The following KDM5B variants were observed in gnomAD, a reference collection of about 807,000 sequenced individuals.
KDM5B encodes lysine demethylase 5B.
A neutral mutation model predicts 193.4 loss-of-function variants in KDM5B; 144 were observed. That is an observed-to-expected ratio of 0.74 (90% CI 0.65 to 0.86). KDM5B has a LOEUF of 0.86. Ranked by LOEUF, KDM5B falls within the 40% of genes least tolerant of loss-of-function variation. KDM5B has a pLI of 0.00. For synonymous variants in KDM5B, 668 were observed against 682.6 expected, an observed-to-expected ratio of 0.98 and a Z score of 0.33; for missense variants, 1,833 against 1,886.9, an observed-to-expected ratio of 0.97 and a Z score of 0.53.
intron 5 of KDM5B, among the ~76,000 whole-genome samples, chr1:202,765,765 A>G (rs1365123568): frequency 6.6e-6 from 1 of 152,082 alleles, no homozygotes; most frequent in East Asian, 1.9e-4. Context: ...GATTTTTTTC[A>G]TTTTTGATAA....
chr1:202,747,564 A>ATT (rs67708616), intron 14 of KDM5B, among the ~76,000 whole-genome samples: 1 of 129,696 alleles, frequency 7.7e-6, no homozygotes, highest in African/African-American at 2.8e-5. Flanking sequence ...AAAGGCACAT[A>ATT]TTTTTAAAAA....
rs771281999 is a variant in KDM5B, at chr1:202,753,664, GT to G, written c.1539-598del. Among the ~76,000 whole-genome samples the G allele has an allele frequency of 9.4e-3, 992 of 105,826 alleles. 22 individuals are homozygous for G. Among genetic ancestry groups the G allele is most frequent in the African/African-American group, 0.028 (955 of 34,260 alleles). 69.4% of individuals were successfully genotyped at this position (105,826 alleles called of 152,430 possible). On this transcript the variant is annotated intron_variant, in intron 11 of 26. Transcript: ENST00000367265. ...CTAGAATTTCTCTTTTGTTGTTGTT[GT>G]TTTTTTTTTGTTTTTTTTTTTTGAG...
At chr1:202,757,049 G>A (rs1558495718) in intron 9 of KDM5B, among the ~76,000 whole-genome samples, 2 of 151,764 alleles carry the variant, frequency 1.3e-5, no homozygotes, top group East Asian at 1.9e-4. Context: ...TTCATGGAAG[G>A]CAATTTTTCC....
Position 202,728,517 on chromosome 1 carries a change from A to G in KDM5B, c.*519T>C. The G allele has an allele frequency of 6.5e-6, 1 of 153,390 alleles. No individual in the cohort carries two copies. The allele number at this position is 153,390 out of a possible 1,614,324, so 9.5% of individuals were successfully genotyped here. A position where few individuals can be genotyped will look rare whatever the true frequency, so the allele number is the denominator to read the frequency against. ...ATAAACCTAGTCTACCAGGAAGAAGAAAAGTGGATAAAGGAAAAGAAGAAA... is the reference window on the plus strand; with the variant it reads ...ATAAACCTAGTCTACCAGGAAGAAGGAAAGTGGATAAAGGAAAAGAAGAAA... On this transcript the variant is annotated 3_prime_UTR_variant, in exon 27 of 27. Coordinates refer to ENST00000367265, the MANE Select transcript of KDM5B (RefSeq NM_006618.5).
In KDM5B at chr1:202,808,021, C is replaced by T. The variant is rs963957553; in HGVS notation, c.204+81G>A. The T allele has an allele frequency of 5.1e-5, 70 of 1,384,922 alleles. 1 individual carries two copies. The Admixed American group carries it at 1.1e-3, about 22-fold the overall frequency. The allele number at this position is 1,384,922 out of a possible 1,614,324, so 85.8% of individuals were successfully genotyped here. A position where few individuals can be genotyped will look rare whatever the true frequency, so the allele number is the denominator to read the frequency against. On this transcript the variant is annotated intron_variant, in intron 1 of 26. Coordinates refer to ENST00000367265, the MANE Select transcript of KDM5B (RefSeq NM_006618.5). ...GGGGCGACCGGCTCCCCGCCCCCCG[C>T]GCCTCGGGCCTCCCCGGACCCGCGC... is the stretch of plus-strand genomic sequence containing the variant.
At position 202,749,134 on chromosome 1, in the gene KDM5B, T is replaced by C; in HGVS notation, c.1827A>G (p.Pro609=). ...AVNFCTVDWL[P]LGRQCVEHYR... ...AATGCTCCACACACTGTCGGCCTAATGGCAGCTGTATCAAAACACGGAAAG... is the reference window on the plus strand; with the variant it reads ...AATGCTCCACACACTGTCGGCCTAACGGCAGCTGTATCAAAACACGGAAAG... The change falls in exon 14 of 27, where the codon CCA becomes CCG. Residue 609 remains proline, a synonymous_variant. Coordinates refer to ENST00000367265, the MANE Select transcript of KDM5B (RefSeq NM_006618.5). 1.2e-6 allele frequency: 2 copies of C among 1,608,124 alleles called. No individual in the cohort carries two copies. The highest frequency in any genetic ancestry group is 1.7e-5 in the Admixed American group (1 of 58,248).
At chr1:202,756,234 C>T (rs1572730996) in intron 10 of KDM5B, 124 bp downstream of exon 10, 2 of 824,668 alleles carry the variant, frequency 2.4e-6, no homozygotes, top group African/African-American at 3.4e-5. Flanking sequence ...GCTCTTTCTA[C>T]TTTTCTTGAA....
At chr1:202,788,818 T>C (rs1419288235) in intron 1 of KDM5B, among the ~76,000 whole-genome samples, 1 of 152,198 alleles carries the variant, frequency 6.6e-6, no homozygotes, top group Non-Finnish European at 1.5e-5. Flanking sequence ...TAACTAGTTT[T>C]CATTGTGTTT....
intron 5 of KDM5B, chr1:202,766,357 T>C (rs1157273930): frequency 3.2e-6 from 1 of 313,864 alleles, no homozygotes; most frequent in Admixed American, 4.5e-5. Flanking sequence ...ACAAACCAAA[T>C]TAGCCGGGCG....
intron 2 of KDM5B, among the ~76,000 whole-genome samples, chr1:202,776,813 G>C (rs192237527): frequency 6.9e-4 from 105 of 152,258 alleles, no homozygotes; most frequent in African/African-American, 2.4e-3. Flanking sequence ...AAAGTGCTGA[G>C]ATTACAAGTG....
Position 202,729,958 on chromosome 1 carries a change from T to C in KDM5B, c.4246A>G (p.Arg1416Gly). Residue 1416 changes from arginine (R) to glycine (G), a missense_variant, in exon 26 of 27, where the codon AGA (arginine) becomes GGA (glycine). Arg to Gly is a moderately radical substitution (Grantham distance 125, BLOSUM62 -2). Transcript: ENST00000367265. ...CACCGCTCACTGGAGAGGCCCTCTC[T>C]TTCCAGGCGTCTCTTCAGTTTTCTC... ...LERKLKRRLE[R>G]EGLSSERWER... 1 of 1,614,048 alleles carries C rather than the reference T, an allele frequency of 6.2e-7. No homozygotes were observed. Among genetic ancestry groups the C allele is most frequent in the Non-Finnish European group, 8.5e-7 (1 of 1,179,994 alleles).
chr1:202,792,531 G>A (rs1572774973), intron 1 of KDM5B, among the ~76,000 whole-genome samples: 1 of 152,152 alleles, frequency 6.6e-6, no homozygotes, highest in Non-Finnish European at 1.5e-5. Flanking sequence ...ACATATAAAT[G>A]AGCCAACAAA....
At chr1:202,763,668 T>C (rs1223751894) in intron 6 of KDM5B, among the ~76,000 whole-genome samples, 1 of 152,230 alleles carries the variant, frequency 6.6e-6, no homozygotes, top group African/African-American at 2.4e-5. Flanking sequence ...TTAGGAAGCA[T>C]GTCTGTTTGC....
rs917490453 is a variant in KDM5B at position 202,808,137 on chromosome 1, C to T, written c.169G>A (p.Glu57Lys). ...AFIHKIRPIA[E>K]QTGICKVRPP... is the part of the protein sequence containing the mutation. The stretch of plus-strand genomic sequence containing the variant: ...CGCACCTTACAGATGCCAGTCTGCT[C>T]GGCTATGGGCCGGATCTTGTGGATG... The change falls in exon 1 of 27, where the codon GAG (glutamate) becomes AAG (lysine). Residue 57 changes from glutamate (E) to lysine (K), a missense_variant. Coordinates refer to ENST00000367265, the MANE Select transcript of KDM5B (RefSeq NM_006618.5). The T allele has an allele frequency of 1.9e-6, 3 of 1,612,514 alleles. No homozygotes were observed. Among genetic ancestry groups the T allele is most frequent in the African/African-American group, 1.3e-5 (1 of 74,828 alleles).
chr1:202,757,344 A>G (rs376863574), intron 9 of KDM5B, among the ~76,000 whole-genome samples: 1 of 152,216 alleles, frequency 6.6e-6, no homozygotes, highest in African/African-American at 2.4e-5. Flanking sequence ...TATATATGAT[A>G]TAACAAAAGG....
intron 13 of KDM5B, among the ~76,000 whole-genome samples, chr1:202,749,503 G>C (rs1655707035): frequency 6.6e-6 from 1 of 152,120 alleles, no homozygotes; most frequent in Non-Finnish European, 1.5e-5. Flanking sequence ...GCTGCAATGA[G>C]CCATGATTGC....
Position 202,742,385 on chromosome 1 carries a change from G to A in KDM5B, c.2589+6C>T. 1.3e-6 allele frequency: 2 copies of A among 1,592,476 alleles called. No individual in the cohort carries two copies. The highest frequency in any genetic ancestry group is 2.2e-5 in the East Asian group (1 of 44,802). ...AGTATTCTCCCACACATCCCTCTATGGTTACCTTTAGTAATGGTGTCTGAC... is the reference window on the plus strand; with the variant it reads ...AGTATTCTCCCACACATCCCTCTATAGTTACCTTTAGTAATGGTGTCTGAC... On this transcript the variant is annotated splice_donor_region_variant and intron_variant, in intron 18 of 26. Transcript: ENST00000367265.
chr1:202,775,267 G>A (rs1656892441), intron 2 of KDM5B, among the ~76,000 whole-genome samples: 1 of 151,826 alleles, frequency 6.6e-6, no homozygotes, highest in South Asian at 2.1e-4. Context: ...ACTGGGTGCA[G>A]TGGCTCATGG....
At chr1:202,730,756 G>C (rs568368719) in intron 25 of KDM5B, among the ~76,000 whole-genome samples, 153 bp downstream of exon 25, 29 of 152,282 alleles carry the variant, frequency 1.9e-4, no homozygotes, top group African/African-American at 6.5e-4. Context: ...ACATTAAGGA[G>C]TATCCTTCAA....
Sources: allele counts gnomAD v4.1 joint callset (sites outside exome capture counted in the v4.1 genomes callset), GRCh38; gene constraint gnomAD v4.1.1; transcripts MANE v1.5; gene names NCBI Gene and HGNC (gene_info 2026-07-23, HGNC 2026-07-21).